The following CANT1 variants were observed in gnomAD, a reference collection of about 807,000 sequenced individuals.
CANT1 encodes the protein calcium activated nucleotidase 1, also known as soluble calcium-activated nucleotidase 1.
A neutral mutation model predicts 30.0 loss-of-function variants in CANT1; 26 were observed. The ratio of observed to expected loss-of-function variants is 0.87; its 90% CI spans 0.64 to 1.20. CANT1 has a LOEUF of 1.20. CANT1 is among the 50% of genes most tolerant of loss of function. The pLI, the probability that CANT1 is intolerant of heterozygous loss-of-function variation, is 0.00. For synonymous variants in CANT1, 246 were observed against 251.8 expected (o/e 0.98, Z 0.22); for missense variants, 518 against 563.0 (o/e 0.92, Z 0.81).
Position 78,993,101 on chromosome 17 carries a change from GCTC to G in CANT1, c.*446_*448del, listed in dbSNP as rs1320175799. 5.0e-5 allele frequency: 17 copies of G among 342,762 alleles called. No homozygotes were observed. Among genetic ancestry groups the G allele is most frequent in the African/African-American group, 8.2e-5 (4 of 48,786 alleles). The allele number at this position is 342,762 out of a possible 1,614,324, so 21.2% of individuals were successfully genotyped here. ...AAGGATCTGCAGGGGTGGACATGAT[GCTC>G]CAGGCACAGAGTAGGAAGAAAAGGG... On this transcript the variant is annotated 3_prime_UTR_variant, in exon 5 of 5. Transcript: ENST00000392446. The surrounding 1 kb of genome is among the most constrained non-coding windows in gnomAD (Gnocchi z 4.5).
Position 78,992,853 on chromosome 17 carries a change from C to A in CANT1, c.*697G>T. On this transcript the variant is annotated 3_prime_UTR_variant, in exon 5 of 5. Coordinates refer to ENST00000392446, the MANE Select transcript of CANT1 (RefSeq NM_001159773.2). Reference sequence around the variant, plus strand: ...AGAAAGGAAACTGCTTTAATTAAAGCAGGTTAATAATTAAAACTTCAAAGT... The same window carrying A: ...AGAAAGGAAACTGCTTTAATTAAAGAAGGTTAATAATTAAAACTTCAAAGT... 2.7e-6 allele frequency: 1 copy of A among 374,494 alleles called. No individual in the cohort carries two copies. Among genetic ancestry groups the A allele is most frequent in the Non-Finnish European group, 5.2e-6 (1 of 192,156 alleles). 23.2% of individuals were successfully genotyped at this position (374,494 alleles called of 1,614,324 possible).
chr17:78,993,743 A>T lies in CANT1; in HGVS notation c.1013T>A (p.Val338Glu). 1 of 1,613,806 alleles carries T rather than the reference A, an allele frequency of 6.2e-7. No individual in the cohort carries two copies. The highest frequency in any genetic ancestry group is 8.5e-7 in the Non-Finnish European group (1 of 1,180,028). The stretch of plus-strand genomic sequence containing the variant: ...GGACGAGAAGCCGTGAGTGGGGACC[A>T]CCGCCCCGACGTGGCTCACAGCGAT... Reference protein sequence around the residue: ...GDIAVSHVGAVVPTHGFSSFK... With the variant: ...GDIAVSHVGAEVPTHGFSSFK... The change falls in exon 5 of 5, where the codon GTG (valine) becomes GAG (glutamate). Residue 338 changes from valine to glutamate, a missense_variant. This residue lies in a region of CANT1 where 221 missense variants were observed against 211.8 expected (regional missense o/e 1.04). Transcript: ENST00000392446. The surrounding 1 kb of genome is among the most constrained non-coding windows in gnomAD (Gnocchi z 4.5).
At chr17:79,009,006 C>G (rs1248534670) in intron 1 of CANT1, among the ~76,000 whole-genome samples, 1 of 152,158 alleles carries the variant, frequency 6.6e-6, no homozygotes, top group East Asian at 1.9e-4. Flanking sequence ...CAAGGAGACC[C>G]TGCATAGACC....
chr17:78,999,287 CCT>C (rs1415268809), intron 1 of CANT1, among the ~76,000 whole-genome samples: 1 of 152,098 alleles, frequency 6.6e-6, no homozygotes, highest in Non-Finnish European at 1.5e-5. Flanking sequence ...CTCAGGACCC[CCT>C]GAGGTGGTCA....
Position 78,993,789 on chromosome 17 carries a change from C to A in CANT1, c.967G>T (p.Ala323Ser), listed in dbSNP as rs9903215. 1.2e-6 allele frequency: 2 copies of A among 1,611,792 alleles called. No homozygotes were observed. The highest frequency in any genetic ancestry group is 2.2e-5 in the South Asian group (2 of 91,074). Reference protein sequence around the residue: ...ERKGANLLLSASPDFGDIAVS... With the variant: ...ERKGANLLLSSSPDFGDIAVS... ...GCGATGTCGCCGAAGTCAGGGGAGG[C>A]GCTCAGCAGCAGGTTGGCGCCCTTG... Residue 323 changes from alanine (A) to serine (S), a missense_variant, in exon 5 of 5, where the codon GCC becomes TCC. Transcript: ENST00000392446. The surrounding 1 kb of genome is among the most constrained non-coding windows in gnomAD (Gnocchi z 4.5).
intron 4 of CANT1, among the ~76,000 whole-genome samples, chr17:78,994,518 C>T (rs890335452): frequency 3.3e-5 from 5 of 152,298 alleles, no homozygotes; most frequent in Admixed American, 1.3e-4. Context: ...GCTGCCAGGG[C>T]GAGTGGGGCA....
In CANT1 at chr17:78,995,127, G is replaced by A. The variant is rs141845435; in HGVS notation, c.726C>T (p.Asn242=). 2.5e-5 allele frequency: 40 copies of A among 1,613,830 alleles called. No individual in the cohort carries two copies. The highest frequency in any genetic ancestry group is 3.3e-5 in the South Asian group (3 of 91,020). ...EWTTTTGDVV[N]ENPEWVKVVG... is the part of the protein sequence containing the mutation. ...CCACCTTCACCCACTCCGGGTTCTC[G>A]TTCACCACATCACCCGTAGTGGTCG... Residue 242 remains asparagine (N), a synonymous_variant, in exon 4 of 5, where the codon AAC becomes AAT. Coordinates refer to ENST00000392446, the MANE Select transcript of CANT1 (RefSeq NM_001159773.2). The surrounding 1 kb of genome is among the most constrained non-coding windows in gnomAD (Gnocchi z 5.7).
chr17:78,997,798 T>TC lies in CANT1; in HGVS notation c.-23+41dup, dbSNP rs1568037786. 7 of 565,320 alleles carry TC rather than the reference T, an allele frequency of 1.2e-5. No individual in the cohort carries two copies. Among genetic ancestry groups the TC allele is most frequent in the Non-Finnish European group, 2.0e-5 (7 of 345,984 alleles). The allele number at this position is 565,320 out of a possible 1,614,324, so 35.0% of individuals were successfully genotyped here. On this transcript the variant is annotated intron_variant, in intron 2 of 4. Transcript: ENST00000392446. This position sits in a 1 kb window ranked among gnomAD's most constrained non-coding sequence, Gnocchi z 7.5. ...TTCTTACTCCCTTGGCTTAATGAAT[T>TC]CCCGACTCTAGATTCCCGACTCTAG...
At position 78,997,860 on chromosome 17, in the gene CANT1, A is replaced by G. The variant is rs149178778; in HGVS notation, c.-43T>C. ...CTTACTTTCATTCGGCAAGACGTGAAGTCTTTCCACAGCAAAATTACTCCA... is the reference window on the plus strand; with the variant it reads ...CTTACTTTCATTCGGCAAGACGTGAGGTCTTTCCACAGCAAAATTACTCCA... On this transcript the variant is annotated 5_prime_UTR_variant, in exon 2 of 5. Coordinates refer to ENST00000392446, the MANE Select transcript of CANT1 (RefSeq NM_001159773.2). The surrounding 1 kb of genome is among the most constrained non-coding windows in gnomAD (Gnocchi z 7.5). 19 of 456,954 alleles carry G rather than the reference A, an allele frequency of 4.2e-5. No homozygotes were observed. In the East Asian group the frequency reaches 6.2e-4, roughly 15 times the overall value. 28.3% of individuals were successfully genotyped at this position (456,954 alleles called of 1,614,324 possible).
rs367985187 is a variant in CANT1, at chr17:79,002,835, G to A, written c.-146-4872C>T. On this transcript the variant is annotated intron_variant, in intron 1 of 4. Coordinates refer to ENST00000392446, the MANE Select transcript of CANT1 (RefSeq NM_001159773.2). This position sits in a 1 kb window ranked among gnomAD's most constrained non-coding sequence, Gnocchi z 4.0. ...CAGCCTGCAGAGAAAGCCTCAGTGG[G>A]TTTTTCCCCCTGCACTCCCAGGAGC... is the stretch of plus-strand genomic sequence containing the variant. 2.6e-5 allele frequency among the ~76,000 whole-genome samples: 4 copies of A among 152,310 alleles called. No individual in the cohort carries two copies. In the East Asian group the frequency reaches 7.7e-4, roughly 29 times the overall value.
intron 1 of CANT1, among the ~76,000 whole-genome samples, chr17:79,007,245 G>A (rs4789903): frequency 0.18 from 27,597 of 152,186 alleles, 2,863 homozygotes; most frequent in East Asian, 0.4. Flanking sequence ...AAATCAACAT[G>A]AACATTCTTA....
Position 78,997,601 on chromosome 17 carries a change from G to C in CANT1, c.22C>G (p.His8Asp). 6.4e-7 allele frequency: 1 copy of C among 1,566,180 alleles called. No individual in the cohort carries two copies. Among genetic ancestry groups the C allele is most frequent in the African/African-American group, 1.4e-5 (1 of 73,546 alleles). Reference sequence around the variant, plus strand: ...TGCATAGACTCATTCCATTCCGGGTGCTCAGACAGCTGCACGGGCATCAGC... The same window carrying C: ...TGCATAGACTCATTCCATTCCGGGTCCTCAGACAGCTGCACGGGCATCAGC... MPVQLSE[H>D]PEWNESMHSL... Residue 8 changes from histidine to aspartate, a missense_variant, in exon 3 of 5, where the codon CAC becomes GAC. Around this residue, in one of 3 missense-constraint regions of CANT1, gnomAD observed 249 missense variants for 268.8 expected, o/e 0.93. Coordinates refer to ENST00000392446, the MANE Select transcript of CANT1 (RefSeq NM_001159773.2). This position sits in a 1 kb window ranked among gnomAD's most constrained non-coding sequence, Gnocchi z 7.5.
chr17:78,998,775 T>C lies in CANT1; in HGVS notation c.-146-812A>G, dbSNP rs2071134305. ...CTCCCGGTGCTTCGATCGAGAACAC[T>C]GGCCCTGGGCAGAGGTTCCATATCT... On this transcript the variant is annotated intron_variant, in intron 1 of 4. Coordinates refer to ENST00000392446, the MANE Select transcript of CANT1 (RefSeq NM_001159773.2). This position sits in a 1 kb window ranked among gnomAD's most constrained non-coding sequence, Gnocchi z 4.5. Among the ~76,000 whole-genome samples, 1 of 152,218 alleles carries C rather than the reference T, an allele frequency of 6.6e-6. No homozygotes were observed. Among genetic ancestry groups the C allele is most frequent in the Non-Finnish European group, 1.5e-5 (1 of 68,024 alleles).
Position 78,995,374 on chromosome 17 carries a change from GC to G in CANT1, c.632-154del. 1.3e-6 allele frequency: 1 copy of G among 786,684 alleles called. No homozygotes were observed. The highest frequency in any genetic ancestry group is 2.1e-6 in the Non-Finnish European group (1 of 482,318). The allele number at this position is 786,684 out of a possible 1,614,324, so 48.7% of individuals were successfully genotyped here. A position where few individuals can be genotyped will look rare whatever the true frequency, so the allele number is the denominator to read the frequency against. On this transcript the variant is annotated intron_variant, in intron 3 of 4. Transcript: ENST00000392446. The surrounding 1 kb of genome is among the most constrained non-coding windows in gnomAD (Gnocchi z 5.7). ...CCCCTCCGGCCCGCACCTGGCTCCC[GC>G]CCAGGGCCGGCCGGCTGCCCTCCCC... is the stretch of plus-strand genomic sequence containing the variant.
At position 78,992,456 on chromosome 17, in the gene CANT1, C is replaced by T. The variant is rs1423503604; in HGVS notation, c.*1094G>A. ...GCCTTCACCCTGGAGTACACTCCAG[C>T]GAAGCCGAGGCCCAGCCAACGCTCG... On this transcript the variant is annotated 3_prime_UTR_variant, in exon 5 of 5. Transcript: ENST00000392446. The T allele has an allele frequency of 1.3e-5, 5 of 370,430 alleles. No individual in the cohort carries two copies. The highest frequency in any genetic ancestry group is 6.1e-5 in the African/African-American group (3 of 49,336). 22.9% of individuals were successfully genotyped at this position (370,430 alleles called of 1,614,324 possible).
rs867789182 is a variant in CANT1, at chr17:78,997,198, T to C, written c.425A>G (p.Lys142Arg). The C allele has an allele frequency of 6.2e-7, 1 of 1,614,192 alleles. No individual in the cohort carries two copies. Among genetic ancestry groups the C allele is most frequent in the East Asian group, 2.2e-5 (1 of 44,882 alleles). ...GTCTTTGTCCCATTCCACGGCCACC[T>C]TGTCCCCACTGTCTGACAGGGTCAG... ...GYLTLSDSGD[K>R]VAVEWDKDHG... Residue 142 changes from lysine (K) to arginine (R), a missense_variant, in exon 3 of 5, where the codon AAG becomes AGG. Coordinates refer to ENST00000392446, the MANE Select transcript of CANT1 (RefSeq NM_001159773.2). This position sits in a 1 kb window ranked among gnomAD's most constrained non-coding sequence, Gnocchi z 7.5.
At chr17:79,005,541 T>A (rs973276349) in intron 1 of CANT1, 3 of 152,044 alleles carry the variant, frequency 2.0e-5, no homozygotes, top group Non-Finnish European at 4.4e-5. Context: ...GCTGCCAGGC[T>A]CCTCCCTTTC....
At chr17:79,007,731 G>A (rs1276702521) in intron 1 of CANT1, among the ~76,000 whole-genome samples, 2 of 152,172 alleles carry the variant, frequency 1.3e-5, no homozygotes, top group Non-Finnish European at 2.9e-5. Context: ...ACAGTGACGG[G>A]TGAGTGAAAA....
Position 78,996,196 on chromosome 17 carries a change from G to GA in CANT1, c.631+795_631+796insT, listed in dbSNP as rs1260054164. Among the ~76,000 whole-genome samples, 1 of 152,234 alleles carries GA rather than the reference G, an allele frequency of 6.6e-6. No homozygotes were observed. The highest frequency in any genetic ancestry group is 1.5e-5 in the Non-Finnish European group (1 of 68,028). Reference sequence around the variant, plus strand: ...TTATCACCGGGTGTGGGGAGGGCCTGGCCGGCCATGAACTGTGTGGGCCGT... The same window carrying GA: ...TTATCACCGGGTGTGGGGAGGGCCTGAGCCGGCCATGAACTGTGTGGGCCGT... On this transcript the variant is annotated intron_variant, in intron 3 of 4. Coordinates refer to ENST00000392446, the MANE Select transcript of CANT1 (RefSeq NM_001159773.2). This position sits in a 1 kb window ranked among gnomAD's most constrained non-coding sequence, Gnocchi z 5.1.
Sources: gnomAD v4.1 joint callset for allele counts (sites outside exome capture counted in the v4.1 genomes callset) on GRCh38, gnomAD v4.1.1 for gene constraint, gnomAD v4.1.1 regional missense constraint, Gnocchi (gnomAD v3.1) non-coding constraint, MANE v1.5 for transcripts, NCBI Gene and HGNC (gene_info 2026-07-23, HGNC 2026-07-21) for gene names.